AKAP5: variants seen among roughly 807,000 people sequenced by gnomAD.
AKAP5 encodes the protein A-kinase anchor protein 5.
In AKAP5, 5 loss-of-function variants were observed where a neutral mutation model predicts 13.8. The observed-to-expected ratio is 0.36, with a 90% CI of 0.19 to 0.76. The LOEUF is 0.76. Ranked by LOEUF, AKAP5 falls within the 30% of genes least tolerant of loss-of-function variation. The pLI is 0.51. For missense variants in AKAP5, 406 were observed against 484.4 expected (o/e 0.84, Z 1.52); for synonymous variants, 148 against 167.2 (o/e 0.89, Z 0.89).
intron 1 of AKAP5, chr14:64,467,148 A>C (rs1382272483): frequency 6.6e-6 from 1 of 152,200 alleles, no homozygotes; most frequent in African/African-American, 2.4e-5. Flanking sequence ...ATCCCCAAAC[A>C]ATTCATTTTC....
In AKAP5 at chr14:64,472,605, T is replaced by C. The variant is rs1416166328; in HGVS notation, c.*2927T>C. The C allele has an allele frequency of 2.4e-5, 4 of 167,044 alleles. No individual in the cohort carries two copies. The highest frequency in any genetic ancestry group is 4.4e-5 in the Non-Finnish European group (3 of 68,104). The allele number at this position is 167,044 out of a possible 1,614,324, so 10.3% of individuals were successfully genotyped here. On this transcript the variant is annotated 3_prime_UTR_variant, in exon 2 of 2. Coordinates refer to ENST00000394718, the MANE Select transcript of AKAP5 (RefSeq NM_004857.3). ...GGTTTCTGTTTTTCTATTGAGAATATCTGTTGAATTAAGTAGGATTTCAGT... is the reference window on the plus strand; with the variant it reads ...GGTTTCTGTTTTTCTATTGAGAATACCTGTTGAATTAAGTAGGATTTCAGT...
rs1199730829 is a variant in AKAP5, at chr14:64,473,069, C to CT, written c.*3395dup. On this transcript the variant is annotated 3_prime_UTR_variant, in exon 2 of 2. Coordinates refer to ENST00000394718, the MANE Select transcript of AKAP5 (RefSeq NM_004857.3). ...ACTTTTTCAGCATATTATCATTCCT[C>CT]TTTTAAGACTCAAGTATTATTCACT... 6.0e-6 allele frequency: 1 copy of CT among 167,032 alleles called. No individual in the cohort carries two copies. Among genetic ancestry groups the CT allele is most frequent in the Non-Finnish European group, 1.5e-5 (1 of 68,114 alleles). The allele number at this position is 167,032 out of a possible 1,614,324, so 10.3% of individuals were successfully genotyped here.
chr14:64,469,697 G>T lies in AKAP5; in HGVS notation c.*19G>T. On this transcript the variant is annotated 3_prime_UTR_variant, in exon 2 of 2. Transcript: ENST00000394718. The stretch of plus-strand genomic sequence containing the variant: ...ACAGTGACTTACTCTCCAGAGTCAC[G>T]GCAGAAAAAACAAGCTTAATGAAGA... The T allele has an allele frequency of 1.3e-6, 2 of 1,496,986 alleles. No individual in the cohort carries two copies. Among genetic ancestry groups the T allele is most frequent in the Non-Finnish European group, 1.8e-6 (2 of 1,119,058 alleles). The allele number at this position is 1,496,986 out of a possible 1,614,324, so 92.7% of individuals were successfully genotyped here. A position where few individuals can be genotyped will look rare whatever the true frequency, so the allele number is the denominator to read the frequency against.
Position 64,468,634 on chromosome 14 carries a change from C to T in AKAP5, c.240C>T (p.Ala80=), listed in dbSNP as rs755917276. The stretch of plus-strand genomic sequence containing the variant: ...CAGAGCCCACACGGGGGGCCTGGGC[C>T]TCACTCAAACGTCTTGTAACACGCA... ...DQPEPTRGAW[A]SLKRLVTRRK... Residue 80 remains alanine, a synonymous_variant, in exon 2 of 2, where the codon GCC becomes GCT. Coordinates refer to ENST00000394718, the MANE Select transcript of AKAP5 (RefSeq NM_004857.3). 6.2e-7 allele frequency: 1 copy of T among 1,613,898 alleles called. No homozygotes were observed.
At position 64,469,511 on chromosome 14, in the gene AKAP5, G is replaced by A. The variant is rs757160210; in HGVS notation, c.1117G>A (p.Val373Ile). ...TTCAGCTGAAAATGAGCAAGTAGGG[G>A]TTTTTGCTAATGATAATGGTTTTGA... is the stretch of plus-strand genomic sequence containing the variant. ...LISAENEQVG[V>I]FANDNGFEDR... Residue 373 changes from valine (V) to isoleucine (I), a missense_variant, in exon 2 of 2, where the codon GTT becomes ATT. By Grantham distance (29) the Val-to-Ile change is conservative. Coordinates refer to ENST00000394718, the MANE Select transcript of AKAP5 (RefSeq NM_004857.3). 5 of 1,613,378 alleles carry A rather than the reference G, an allele frequency of 3.1e-6. No individual in the cohort carries two copies. In the East Asian group the frequency reaches 8.9e-5, roughly 29 times the overall value.
In AKAP5 at chr14:64,474,020, C is replaced by T. The variant is rs1364988440; in HGVS notation, c.*4342C>T. 1 of 167,054 alleles carries T rather than the reference C, an allele frequency of 6.0e-6. No individual in the cohort carries two copies. Among genetic ancestry groups the T allele is most frequent in the African/African-American group, 2.4e-5 (1 of 41,452 alleles). The allele number at this position is 167,054 out of a possible 1,614,324, so 10.3% of individuals were successfully genotyped here. A position where few individuals can be genotyped will look rare whatever the true frequency, so the allele number is the denominator to read the frequency against. On this transcript the variant is annotated 3_prime_UTR_variant, in exon 2 of 2. Coordinates refer to ENST00000394718, the MANE Select transcript of AKAP5 (RefSeq NM_004857.3). ...TTCAACACACGTATTAGGCATAACT[C>T]ATACCTAACACTATTTGATAAGGGA...
intron 1 of AKAP5, among the ~76,000 whole-genome samples, chr14:64,466,126 GA>G (rs1453990529): frequency 6.6e-6 from 1 of 152,042 alleles, no homozygotes; most frequent in Non-Finnish European, 1.5e-5. Flanking sequence ...CTGCTCAAGG[GA>G]AAAAGGAAAG....
chr14:64,465,963 C>T (rs2078609020), intron 1 of AKAP5, among the ~76,000 whole-genome samples: 1 of 152,156 alleles, frequency 6.6e-6, no homozygotes, highest in Non-Finnish European at 1.5e-5. Flanking sequence ...TGTTCCACGC[C>T]CCCGGCATTT....
chr14:64,466,126 G>A (rs1224780279), intron 1 of AKAP5, among the ~76,000 whole-genome samples: 1 of 152,042 alleles, frequency 6.6e-6, no homozygotes, highest in African/African-American at 2.4e-5. Context: ...CTGCTCAAGG[G>A]AAAAAGGAAA....
chr14:64,468,237 G>A lies in AKAP5; in HGVS notation c.-158G>A, dbSNP rs1332923291. ...AGAAACTGGGCATTTCTATACTAGA[G>A]AAACCACCTAAAACAACTGTATGGA... On this transcript the variant is annotated 5_prime_UTR_variant, in exon 2 of 2. Transcript: ENST00000394718. The A allele has an allele frequency of 1.2e-5, 7 of 590,426 alleles. No individual in the cohort carries two copies. Among genetic ancestry groups the A allele is most frequent in the African/African-American group, 1.9e-5 (1 of 52,426 alleles). 36.6% of individuals were successfully genotyped at this position (590,426 alleles called of 1,614,324 possible). A position where few individuals can be genotyped will look rare whatever the true frequency, so the allele number is the denominator to read the frequency against.
rs758672434 is a variant in AKAP5, at chr14:64,469,260, C to A, written c.866C>A (p.Pro289Gln). The A allele has an allele frequency of 2.5e-6, 4 of 1,613,454 alleles. No homozygotes were observed. Among genetic ancestry groups the A allele is most frequent in the Non-Finnish European group, 3.4e-6 (4 of 1,179,952 alleles). Reference sequence around the variant, plus strand: ...AGTAACAGTACCCTAGAAAGTGCACCAAATGGAAAAGACTATGAAAGTACA... The same window carrying A: ...AGTAACAGTACCCTAGAAAGTGCACAAAATGGAAAAGACTATGAAAGTACA... ...EASNSTLESA[P>Q]NGKDYESTEI... The change falls in exon 2 of 2, where the codon CCA (proline) becomes CAA (glutamine). Residue 289 changes from proline to glutamine, a missense_variant. Transcript: ENST00000394718.
In AKAP5 at chr14:64,472,412, A is replaced by G. The variant is rs1041986785; in HGVS notation, c.*2734A>G. 2 of 167,100 alleles carry G rather than the reference A, an allele frequency of 1.2e-5. No individual in the cohort carries two copies. Among genetic ancestry groups the G allele is most frequent in the African/African-American group, 4.8e-5 (2 of 41,478 alleles). 10.4% of individuals were successfully genotyped at this position (167,100 alleles called of 1,614,324 possible). A position where few individuals can be genotyped will look rare whatever the true frequency, so the allele number is the denominator to read the frequency against. ...AATATTTTGGGGGATTTTTAAAAAA[A>G]CAGATAAATGGTAAATATGTGCAAT... On this transcript the variant is annotated 3_prime_UTR_variant, in exon 2 of 2. Coordinates refer to ENST00000394718, the MANE Select transcript of AKAP5 (RefSeq NM_004857.3).
chr14:64,466,202 T>C (rs1410563419), intron 1 of AKAP5, among the ~76,000 whole-genome samples: 1 of 152,216 alleles, frequency 6.6e-6, no homozygotes, highest in Non-Finnish European at 1.5e-5. Flanking sequence ...ACTTTAAGAT[T>C]TCCTGAGGCG....
chr14:64,467,294 TTTGTAATA>T (rs1394182729), intron 1 of AKAP5: 2 of 152,238 alleles, frequency 1.3e-5, no homozygotes, highest in African/African-American at 2.4e-5. Context: ...TACCACCATC[TTTGTAATA>T]TTGTGGTGAG....
chr14:64,468,449 G>T lies in AKAP5; in HGVS notation c.55G>T (p.Ala19Ser). 1 of 1,613,972 alleles carries T rather than the reference G, an allele frequency of 6.2e-7. No individual in the cohort carries two copies. Among genetic ancestry groups the T allele is most frequent in the Non-Finnish European group, 8.5e-7 (1 of 1,179,994 alleles). Residue 19 changes from alanine (A) to serine (S), a missense_variant, in exon 2 of 2, where the codon GCA becomes TCA. Transcript: ENST00000394718. ...AGAAAACAAGGATGAGAAGAGATCA[G>T]CAGAAGGTAGTCCTGGGGCTGAAAG... ...HVENKDEKRS[A>S]EGSPGAERQK... is the part of the protein sequence containing the mutation.
intron 1 of AKAP5, among the ~76,000 whole-genome samples, chr14:64,466,908 C>A (rs1596586386): frequency 6.6e-6 from 1 of 152,140 alleles, no homozygotes; most frequent in South Asian, 2.1e-4. Context: ...TTTCAATACA[C>A]CTTTATATTA....
chr14:64,469,805 A>G lies in AKAP5; in HGVS notation c.*127A>G, dbSNP rs555933423. 1 of 688,220 alleles carries G rather than the reference A, an allele frequency of 1.5e-6. No individual in the cohort carries two copies. Among genetic ancestry groups the G allele is most frequent in the East Asian group, 2.9e-5 (1 of 34,802 alleles). The allele number at this position is 688,220 out of a possible 1,614,324, so 42.6% of individuals were successfully genotyped here. ...TCTAGAACTTAAAAGGTACAATTCCAGCGCAGAAGTGCTAAAGATTAAGTC... is the reference window on the plus strand; with the variant it reads ...TCTAGAACTTAAAAGGTACAATTCCGGCGCAGAAGTGCTAAAGATTAAGTC... On this transcript the variant is annotated 3_prime_UTR_variant, in exon 2 of 2. Coordinates refer to ENST00000394718, the MANE Select transcript of AKAP5 (RefSeq NM_004857.3).
In AKAP5 at chr14:64,474,194, A is replaced by T. The variant is rs535162729; in HGVS notation, c.*4516A>T. 6.0e-6 allele frequency: 1 copy of T among 167,220 alleles called. No homozygotes were observed. The highest frequency in any genetic ancestry group is 2.4e-5 in the African/African-American group (1 of 41,584). The allele number at this position is 167,220 out of a possible 1,614,324, so 10.4% of individuals were successfully genotyped here. A position where few individuals can be genotyped will look rare whatever the true frequency, so the allele number is the denominator to read the frequency against. ...GAGAGCAATTAATTTGGTGTGGGGA[A>T]GGTGGTGATCTGAATACAGCAGCAG... On this transcript the variant is annotated 3_prime_UTR_variant, in exon 2 of 2. Coordinates refer to ENST00000394718, the MANE Select transcript of AKAP5 (RefSeq NM_004857.3).
Position 64,468,250 on chromosome 14 carries a change from A to G in AKAP5, c.-145A>G, listed in dbSNP as rs2078631591. The G allele has an allele frequency of 1.5e-6, 1 of 670,076 alleles. No individual in the cohort carries two copies. Among genetic ancestry groups the G allele is most frequent in the Non-Finnish European group, 2.4e-6 (1 of 422,632 alleles). The allele number at this position is 670,076 out of a possible 1,614,324, so 41.5% of individuals were successfully genotyped here. Reference sequence around the variant, plus strand: ...TTCTATACTAGAGAAACCACCTAAAACAACTGTATGGAGTAAGATGAAAGG... The same window carrying G: ...TTCTATACTAGAGAAACCACCTAAAGCAACTGTATGGAGTAAGATGAAAGG... On this transcript the variant is annotated 5_prime_UTR_variant, in exon 2 of 2. Coordinates refer to ENST00000394718, the MANE Select transcript of AKAP5 (RefSeq NM_004857.3).
Sources: gnomAD v4.1 joint callset for allele counts (sites outside exome capture counted in the v4.1 genomes callset) on GRCh38, gnomAD v4.1.1 for gene constraint, MANE v1.5 for transcripts, NCBI Gene and HGNC (gene_info 2026-07-23, HGNC 2026-07-21) for gene names.